The following C10orf71 variants were observed in gnomAD, a reference collection of about 807,000 sequenced individuals.
C10orf71 encodes the protein cardiac-enriched FHL2-interacting protein.
For missense variants in C10orf71, 1,869 were observed against 1,804.5 expected, an observed-to-expected ratio of 1.04 and a Z score of -0.65; for synonymous variants, 758 against 726.3, an observed-to-expected ratio of 1.04 and a Z score of -0.70.
rs1209636779 is a variant in C10orf71 at position 49,325,749 on chromosome 10, C to A, written c.3204C>A (p.Cys1068Ter). 2 of 1,551,456 alleles carry A rather than the reference C, an allele frequency of 1.3e-6. No individual in the cohort carries two copies. Among genetic ancestry groups the A allele is most frequent in the Non-Finnish European group, 1.7e-6 (2 of 1,146,872 alleles). ...NPGSPGESSA[C>*]SPAASNIWEE... The stretch of plus-strand genomic sequence containing the variant: ...GCTCCCCCGGGGAGAGCAGTGCCTG[C>A]TCCCCTGCTGCCAGCAACATTTGGG... Residue 1068 changes from cysteine (C) to a stop codon, truncating the protein, a stop_gained, in exon 3 of 3, where the codon TGC becomes TGA. Coordinates refer to ENST00000374144, the MANE Select transcript of C10orf71 (RefSeq NM_001135196.2). LOFTEE classifies it low-confidence loss of function (END_TRUNC).
chr10:49,317,344 T>G (rs1366599798), intron 2 of C10orf71, among the ~76,000 whole-genome samples: 1 of 152,206 alleles, frequency 6.6e-6, no homozygotes, highest in Non-Finnish European at 1.5e-5. Flanking sequence ...TGCCATCCTC[T>G]GCAGATTGGC....
chr10:49,301,778 C>G (rs1848732932), intron 1 of C10orf71, among the ~76,000 whole-genome samples: 1 of 152,194 alleles, frequency 6.6e-6, no homozygotes, highest in South Asian at 2.1e-4. Context: ...TCCCAACAAC[C>G]AATCAACCAT....
In C10orf71 at chr10:49,323,825, T is replaced by C. The variant is rs913913456; in HGVS notation, c.1280T>C (p.Leu427Pro). 3.7e-6 allele frequency: 6 copies of C among 1,613,856 alleles called. No homozygotes were observed. Among genetic ancestry groups the C allele is most frequent in the Non-Finnish European group, 5.1e-6 (6 of 1,179,900 alleles). The change falls in exon 3 of 3, where the codon CTT (leucine) becomes CCT (proline). Residue 427 changes from leucine (L) to proline (P), a missense_variant. By Grantham distance (98) the Leu-to-Pro change is moderately conservative. Transcript: ENST00000374144. ...GAACAGTTTTCAGAAAACAATGCTC[T>C]TGACCTGCCTGTGGAACCCAATGAA... The part of the protein sequence containing the change: ...PQEQFSENNA[L>P]DLPVEPNEHY...
Position 49,323,560 on chromosome 10 carries a change from G to C in C10orf71, c.1015G>C (p.Ala339Pro), listed in dbSNP as rs767466362. The C allele has an allele frequency of 3.7e-6, 6 of 1,604,872 alleles. No individual in the cohort carries two copies. The highest frequency in any genetic ancestry group is 5.1e-6 in the Non-Finnish European group (6 of 1,174,742). The change falls in exon 3 of 3, where the codon GCA becomes CCA. Residue 339 changes from alanine (A) to proline (P), a missense_variant. Ala to Pro is a conservative substitution (Grantham distance 27). Transcript: ENST00000374144. Reference protein sequence around the residue: ...ASCSQEENRLAAGALSTSIPW... With the variant: ...ASCSQEENRLPAGALSTSIPW... Reference sequence around the variant, plus strand: ...CTGCAGTCAGGAAGAGAACAGACTTGCAGCAGGGGCTCTGTCCACATCTAT... The same window carrying C: ...CTGCAGTCAGGAAGAGAACAGACTTCCAGCAGGGGCTCTGTCCACATCTAT...
chr10:49,327,089 G>C lies in C10orf71; in HGVS notation c.*236G>C, dbSNP rs866627875. 2 of 1,434,808 alleles carry C rather than the reference G, an allele frequency of 1.4e-6. No homozygotes were observed. The highest frequency in any genetic ancestry group is 9.3e-7 in the Non-Finnish European group (1 of 1,072,058). The allele number at this position is 1,434,808 out of a possible 1,614,324, so 88.9% of individuals were successfully genotyped here. On this transcript the variant is annotated 3_prime_UTR_variant, in exon 3 of 3. Coordinates refer to ENST00000374144, the MANE Select transcript of C10orf71 (RefSeq NM_001135196.2). ...TGGAGGGGCACTGCTTGCTTGGCCC[G>C]GTCCCCTCCGTGCCAGTTCCCAGGC...
In C10orf71 at chr10:49,310,821, A is replaced by T. The variant is rs370402673; in HGVS notation, c.-247-5324A>T. ...ATGATGGTGATGATGATGATGATGA[A>T]GAAGAAGAAGAGGAGGAAGTCGTCG... On this transcript the variant is annotated intron_variant, in intron 1 of 2. Transcript: ENST00000374144. Among the ~76,000 whole-genome samples, 506 of 151,812 alleles carry T rather than the reference A, an allele frequency of 3.3e-3. 2 individuals are homozygous for T. The highest frequency in any genetic ancestry group is 0.011 in the African/African-American group (440 of 41,262).
chr10:49,320,232 T>C (rs183579355), intron 2 of C10orf71, among the ~76,000 whole-genome samples: 1 of 152,272 alleles, frequency 6.6e-6, no homozygotes, highest in East Asian at 1.9e-4. Flanking sequence ...GGCATGTTGC[T>C]GGAGCCCAGT....
At chr10:49,309,511 T>C (rs2132408944) in intron 1 of C10orf71, among the ~76,000 whole-genome samples, 1 of 152,284 alleles carries the variant, frequency 6.6e-6, no homozygotes, top group South Asian at 2.1e-4. Context: ...AATGTCGATT[T>C]TAAGCCTCCT....
In C10orf71 at chr10:49,326,267, C is replaced by T; in HGVS notation, c.3722C>T (p.Pro1241Leu). The stretch of plus-strand genomic sequence containing the variant: ...CCCGTGGTCCGTTCCCTGCCCCCTC[C>T]CGTGCACCGCCACTCCGTGTCCGGC... ...NFPVVRSLPPPVHRHSVSGFS... is the reference protein window; with the variant it reads ...NFPVVRSLPPLVHRHSVSGFS... Residue 1241 changes from proline to leucine, a missense_variant, in exon 3 of 3, where the codon CCC becomes CTC. Coordinates refer to ENST00000374144, the MANE Select transcript of C10orf71 (RefSeq NM_001135196.2). The T allele has an allele frequency of 6.5e-7, 1 of 1,549,692 alleles. No individual in the cohort carries two copies. Among genetic ancestry groups the T allele is most frequent in the Non-Finnish European group, 8.7e-7 (1 of 1,146,284 alleles).
At position 49,325,605 on chromosome 10, in the gene C10orf71, C is replaced by T. The variant is rs115787597; in HGVS notation, c.3060C>T (p.Pro1020=). Residue 1020 remains proline (P), a synonymous_variant, in exon 3 of 3, where the codon CCC becomes CCT. Coordinates refer to ENST00000374144, the MANE Select transcript of C10orf71 (RefSeq NM_001135196.2). ...DIEDQPPPWQ[P]ENCWEEQTPG... ...AAGACCAGCCACCCCCATGGCAGCC[C>T]GAAAACTGTTGGGAAGAGCAAACAC... 9.1e-4 allele frequency: 1,411 copies of T among 1,552,032 alleles called. 12 individuals carry two copies. In the African/African-American group the frequency reaches 0.016, roughly 17 times the overall value.
chr10:49,298,677 A>G (rs1264999544), upstream of C10orf71: 1 of 152,244 alleles, frequency 6.6e-6, no homozygotes, highest in Admixed American at 6.5e-5. Context: ...AAGCTTACCA[A>G]GTGGACACTT....
chr10:49,324,467 C>T lies in C10orf71; in HGVS notation c.1922C>T (p.Pro641Leu). ...SWCPDSREHRPRKHLSLRLCN... is the reference protein window; with the variant it reads ...SWCPDSREHRLRKHLSLRLCN... ...TGTCCAGACTCCAGGGAACACCGCC[C>T]CAGGAAACACCTCTCCCTGAGGCTT... is the stretch of plus-strand genomic sequence containing the variant. Residue 641 changes from proline (P) to leucine (L), a missense_variant, in exon 3 of 3, where the codon CCC becomes CTC. Transcript: ENST00000374144. 1 of 1,607,510 alleles carries T rather than the reference C, an allele frequency of 6.2e-7. No individual in the cohort carries two copies. Among genetic ancestry groups the T allele is most frequent in the Non-Finnish European group, 8.5e-7 (1 of 1,176,708 alleles).
intron 1 of C10orf71, among the ~76,000 whole-genome samples, chr10:49,305,127 G>C (rs766876921): frequency 2.6e-5 from 4 of 152,194 alleles, no homozygotes; most frequent in Non-Finnish European, 4.4e-5. Context: ...ATGGGGTATG[G>C]GGAATAGAAG....
At chr10:49,304,758 T>A in intron 1 of C10orf71, among the ~76,000 whole-genome samples, 1 of 152,152 alleles carries the variant, frequency 6.6e-6, no homozygotes, top group Admixed American at 6.5e-5. Flanking sequence ...GAAAGGATGG[T>A]TCCTGAGGGG....
chr10:49,324,252 C>T lies in C10orf71; in HGVS notation c.1707C>T (p.His569=). 1.2e-6 allele frequency: 2 copies of T among 1,613,968 alleles called. No homozygotes were observed. The highest frequency in any genetic ancestry group is 1.7e-6 in the Non-Finnish European group (2 of 1,179,882). The change falls in exon 3 of 3, where the codon CAC becomes CAT. Residue 569 remains histidine, a synonymous_variant. Coordinates refer to ENST00000374144, the MANE Select transcript of C10orf71 (RefSeq NM_001135196.2). ...CCGCTGATGACCCCACTGCATCACA[C>T]ATCAATCCCCAGAAGGACCCTACAG... ...ERPADDPTAS[H]INPQKDPTAD...
At chr10:49,298,134 C>T (rs1019385207), upstream of C10orf71, among the ~76,000 whole-genome samples, 2 of 152,244 alleles carry the variant, frequency 1.3e-5, no homozygotes, top group Non-Finnish European at 1.5e-5. Flanking sequence ...TGCCAGGCCC[C>T]AGCTTGGGGC....
chr10:49,312,137 G>A (rs1380657239), intron 1 of C10orf71, among the ~76,000 whole-genome samples: 3 of 152,166 alleles, frequency 2.0e-5, no homozygotes, highest in East Asian at 1.9e-4. Flanking sequence ...CCTACAATAA[G>A]GAGAAGAAAA....
chr10:49,305,970 T>G (rs1395625971), intron 1 of C10orf71, among the ~76,000 whole-genome samples: 3 of 152,256 alleles, frequency 2.0e-5, no homozygotes, highest in Non-Finnish European at 2.9e-5. Context: ...TTGCTTTGTC[T>G]GGTTTTCCAT....
Position 49,324,509 on chromosome 10 carries a change from A to C in C10orf71, c.1964A>C (p.Glu655Ala), listed in dbSNP as rs1849176916. 1 of 1,612,170 alleles carries C rather than the reference A, an allele frequency of 6.2e-7. No individual in the cohort carries two copies. Among genetic ancestry groups the C allele is most frequent in the Middle Eastern group, 1.7e-4 (1 of 6,058 alleles). Residue 655 changes from glutamate to alanine, a missense_variant, in exon 3 of 3, where the codon GAG becomes GCG. Physicochemically the swap from Glu to Ala is moderately radical, Grantham distance 107 (BLOSUM62 -1). Coordinates refer to ENST00000374144, the MANE Select transcript of C10orf71 (RefSeq NM_001135196.2). Reference protein sequence around the residue: ...LSLRLCNRDPEPGGATEKMKT... With the variant: ...LSLRLCNRDPAPGGATEKMKT... ...CTGAGGCTTTGCAATAGGGATCCTG[A>C]GCCTGGAGGGGCTACAGAGAAAATG...
Sources: allele counts gnomAD v4.1 joint callset (sites outside exome capture counted in the v4.1 genomes callset), GRCh38; gene constraint gnomAD v4.1.1; transcripts MANE v1.5; gene names NCBI Gene and HGNC (gene_info 2026-07-23, HGNC 2026-07-21).